CISTR: variants seen among roughly 807,000 people sequenced by gnomAD.
CISTR encodes chondrogenic regulator lncRNA.
In CISTR at chr12:53,756,535, G is replaced by A. The variant is rs1383649004; in HGVS notation, n.414+279C>T. Reference sequence around the variant, plus strand: ...AGCCTTCCAAAGTGCTGGGATCACAGACGTGAGCCACTGCACTTGGCCTCT... The same window carrying A: ...AGCCTTCCAAAGTGCTGGGATCACAAACGTGAGCCACTGCACTTGGCCTCT... On this transcript the variant is annotated intron_variant and non_coding_transcript_variant, in intron 1 of 2. Coordinates refer to ENST00000669269, the Ensembl canonical transcript of CISTR. This position sits in a 1 kb window ranked among gnomAD's most constrained non-coding sequence, Gnocchi z 4.0. Among the ~76,000 whole-genome samples, 2 of 152,212 alleles carry A rather than the reference G, an allele frequency of 1.3e-5. No homozygotes were observed. The highest frequency in any genetic ancestry group is 2.9e-5 in the Non-Finnish European group (2 of 68,024).
At chr12:53,752,297 C>A (rs752494623) in intron 1 of CISTR, among the ~76,000 whole-genome samples, 14 of 152,196 alleles carry the variant, frequency 9.2e-5, no homozygotes, top group Non-Finnish European at 1.6e-4. Context: ...TCTTCTGGAC[C>A]GATCCAACCA....
At chr12:53,757,001 C>T (rs531377098) in exon 1 of CISTR, 1 of 149,398 alleles carries the variant, frequency 6.7e-6, no homozygotes, top group African/African-American at 2.5e-5. Context: ...CTCTTCTTCC[C>T]CTCTCCACAG....
chr12:53,749,719 T>C (rs910401199), intron 2 of CISTR, among the ~76,000 whole-genome samples: 1 of 152,168 alleles, frequency 6.6e-6, no homozygotes, highest in African/African-American at 2.4e-5. Context: ...GCTCTGAGCA[T>C]CTGCACCAGA....
chr12:53,748,478 G>T (rs1319924003), intron 2 of CISTR, among the ~76,000 whole-genome samples: 1 of 152,188 alleles, frequency 6.6e-6, no homozygotes. Context: ...CGGACAGAGG[G>T]AACAGAGACA....
chr12:53,746,685 A>T (rs1352716993), exon 3 of CISTR, among the ~76,000 whole-genome samples: 1 of 152,146 alleles, frequency 6.6e-6, no homozygotes, highest in East Asian at 1.9e-4. Flanking sequence ...TCCCCGGCCT[A>T]GGGCAGCCCA....
rs1437954061 is a variant in CISTR at position 53,751,855 on chromosome 12, C to T, written n.415-890G>A. The stretch of plus-strand genomic sequence containing the variant: ...GAGTCTAGCTTGCTTTTTAGGGTCT[C>T]TCTCCCGCCTCTTTTCCTCCCCCGC... On this transcript the variant is annotated intron_variant and non_coding_transcript_variant, in intron 1 of 2. Transcript: ENST00000669269. This position sits in a 1 kb window ranked among gnomAD's most constrained non-coding sequence, Gnocchi z 4.6. 6.5e-6 allele frequency: 1 copy of T among 152,684 alleles called. No homozygotes were observed. The highest frequency in any genetic ancestry group is 1.9e-4 in the East Asian group (1 of 5,188). 9.5% of individuals were successfully genotyped at this position (152,684 alleles called of 1,614,324 possible). A position where few individuals can be genotyped will look rare whatever the true frequency, so the allele number is the denominator to read the frequency against.
chr12:53,752,745 T>C (rs1937869411), intron 1 of CISTR, among the ~76,000 whole-genome samples: 4 of 152,198 alleles, frequency 2.6e-5, no homozygotes, highest in Non-Finnish European at 2.9e-5. Flanking sequence ...CACTAGGCTC[T>C]GATTGCAAGA....
At chr12:53,753,747 C>G (rs1000574879) in intron 1 of CISTR, among the ~76,000 whole-genome samples, 1 of 104,532 alleles carries the variant, frequency 9.6e-6, no homozygotes, top group African/African-American at 4.0e-5. Flanking sequence ...CTGAGGAGAC[C>G]GAGGCAGGGA....
chr12:53,750,705 T>A (rs1230466048), exon 2 of CISTR: 1 of 153,184 alleles, frequency 6.5e-6, no homozygotes, highest in Non-Finnish European at 1.5e-5. Context: ...TGAATGCGTT[T>A]GTTCATTTGT....
chr12:53,755,600 A>T, intron 1 of CISTR, among the ~76,000 whole-genome samples: 1 of 101,070 alleles, frequency 9.9e-6, no homozygotes, highest in East Asian at 3.5e-4. Flanking sequence ...GGCTTTAATT[A>T]CAGTAAGCCC....
At chr12:53,753,579 G>A (rs1937881129) in intron 1 of CISTR, among the ~76,000 whole-genome samples, 1 of 152,182 alleles carries the variant, frequency 6.6e-6, no homozygotes, top group African/African-American at 2.4e-5. Context: ...GAACTAGCAA[G>A]TTAGAGCTCT....
intron 2 of CISTR, among the ~76,000 whole-genome samples, chr12:53,749,297 T>C (rs2120732360): frequency 6.6e-6 from 1 of 151,392 alleles, no homozygotes; most frequent in Non-Finnish European, 1.5e-5. Flanking sequence ...AAGAAGTGTG[T>C]GTGTGTGTGT....
chr12:53,755,342 T>TGTGTGG (rs1555168468), intron 1 of CISTR, among the ~76,000 whole-genome samples: 2 of 150,140 alleles, frequency 1.3e-5, no homozygotes, highest in Non-Finnish European at 3.0e-5. Flanking sequence ...TGTGTGTGTG[T>TGTGTGG]GGTAGGAAAT....
intron 2 of CISTR, among the ~76,000 whole-genome samples, chr12:53,749,291 A>AGTGT (rs3058906): frequency 6.7e-6 from 1 of 149,006 alleles, no homozygotes; most frequent in Non-Finnish European, 1.5e-5. Context: ...GGAGGCAAGA[A>AGTGT]GTGTGTGTGT....
chr12:53,747,626 G>A (rs1385339494), intron 2 of CISTR, among the ~76,000 whole-genome samples: 2 of 152,170 alleles, frequency 1.3e-5, no homozygotes, highest in Non-Finnish European at 2.9e-5. Context: ...GTTACTGGGG[G>A]TGGTGGGTCG....
In CISTR at chr12:53,756,907, TGAGCTGGCTCAG is replaced by T. The variant is rs1040724237; in HGVS notation, n.309_320del. On this transcript the variant is annotated non_coding_transcript_exon_variant, in exon 1 of 3. Transcript: ENST00000669269. This position sits in a 1 kb window ranked among gnomAD's most constrained non-coding sequence, Gnocchi z 4.0. ...AAGTCCTGACTTAGGGAAGCTTTTG[TGAGCTGGCTCAG>T]GAAACAGATGTGTGGATAAAAAGGA... The T allele has an allele frequency of 6.6e-6, 1 of 152,370 alleles. No individual in the cohort carries two copies. Among genetic ancestry groups the T allele is most frequent in the African/African-American group, 2.4e-5 (1 of 41,372 alleles). The allele number at this position is 152,370 out of a possible 1,614,324, so 9.4% of individuals were successfully genotyped here. A position where few individuals can be genotyped will look rare whatever the true frequency, so the allele number is the denominator to read the frequency against.
exon 3 of CISTR, among the ~76,000 whole-genome samples, chr12:53,746,403 C>T (rs1038590199): frequency 2.0e-5 from 3 of 152,102 alleles, no homozygotes; most frequent in African/African-American, 4.8e-5. Context: ...AAGACCCCTG[C>T]GCAGAGAACC....
chr12:53,747,428 C>A (rs1480644176), intron 2 of CISTR, among the ~76,000 whole-genome samples: 1 of 152,122 alleles, frequency 6.6e-6, no homozygotes, highest in Non-Finnish European at 1.5e-5. Context: ...GGGGGAGAAA[C>A]CCAGTGGGCC....
At chr12:53,754,175 C>T (rs114393882) in intron 1 of CISTR, among the ~76,000 whole-genome samples, 2,989 of 152,272 alleles carry the variant, frequency 0.02, 100 homozygotes, top group African/African-American at 0.068. Flanking sequence ...CCTTTACTCA[C>T]TCCTTTCATG....
Sources: allele counts gnomAD v4.1 joint callset (sites outside exome capture counted in the v4.1 genomes callset), GRCh38; gene constraint gnomAD v4.1.1; non-coding constraint Gnocchi (gnomAD v3.1); transcripts MANE v1.5; gene names NCBI Gene and HGNC (gene_info 2026-07-23, HGNC 2026-07-21).